The following NBEAL1 variants were observed in gnomAD, a reference collection of about 807,000 sequenced individuals.
The protein encoded by NBEAL1 is neurobeachin-like protein 1.
Under a neutral mutation model 351.3 loss-of-function variants are expected in NBEAL1, and 273 were observed. The observed-to-expected ratio is 0.78, with a 90% confidence interval of 0.70 to 0.86. The LOEUF (loss-of-function observed/expected upper bound fraction) is 0.86, where lower values mean the gene tolerates loss of function less well. Ranked by LOEUF, NBEAL1 falls within the 40% of genes least tolerant of loss-of-function variation. NBEAL1 has a pLI of 0.00. For missense variants in NBEAL1, 2,961 were observed against 3,201.3 expected (o/e 0.92, Z 1.81); for synonymous variants, 1,050 against 1,086.4 (o/e 0.97, Z 0.66).
At chr2:203,119,366 A>G (rs1422310722) in intron 18 of NBEAL1, among the ~76,000 whole-genome samples, 1 of 146,458 alleles carries the variant, frequency 6.8e-6, no homozygotes, top group Non-Finnish European at 1.5e-5. Context: ...TGATCCACCC[A>G]CTTAGGCCTT....
At chr2:203,108,396 GT>G (rs35488570) in intron 14 of NBEAL1, among the ~76,000 whole-genome samples, 130,450 of 145,746 alleles carry the variant, frequency 0.9, 58,847 homozygotes, top group Non-Finnish European at 0.96. Flanking sequence ...TGCTGGTTAA[GT>G]TTTTTTTTTT....
chr2:203,098,427 A>G lies in NBEAL1; in HGVS notation c.1185+794A>G, dbSNP rs144332602. 3.5e-4 allele frequency among the ~76,000 whole-genome samples: 54 copies of G among 152,256 alleles called. No homozygotes were observed. The East Asian group carries it at 6.4e-3, about 18-fold the overall frequency. ...GAATATTGTTTTAGATTTCTGTATA[A>G]ATGTTAATCCCTCTTAAGGCCTACT... On this transcript the variant is annotated intron_variant, in intron 11 of 55. Transcript: ENST00000683969.
At chr2:203,196,437 A>G (rs2065243462) in intron 47 of NBEAL1, among the ~76,000 whole-genome samples, 1 of 152,232 alleles carries the variant, frequency 6.6e-6, no homozygotes, top group Non-Finnish European at 1.5e-5. Context: ...TCATCTCTTC[A>G]TAGGTGTTCA....
chr2:203,029,129 G>A (rs184027571), intron 2 of NBEAL1, among the ~76,000 whole-genome samples: 2 of 152,158 alleles, frequency 1.3e-5, no homozygotes. Flanking sequence ...GTGATTATAG[G>A]GTGGCTAATT....
At chr2:203,032,204 T>G (rs1234174354) in intron 2 of NBEAL1, among the ~76,000 whole-genome samples, 1 of 152,200 alleles carries the variant, frequency 6.6e-6, no homozygotes, top group Non-Finnish European at 1.5e-5. Flanking sequence ...ATGTTCATTA[T>G]GAGATCATGA....
At chr2:203,067,500 T>C (rs2061613203) in intron 6 of NBEAL1, among the ~76,000 whole-genome samples, 1 of 152,230 alleles carries the variant, frequency 6.6e-6, no homozygotes, top group South Asian at 2.1e-4. Flanking sequence ...CATTTCTTCT[T>C]AGGTTTGAAA....
intron 24 of NBEAL1, among the ~76,000 whole-genome samples, chr2:203,129,365 T>C (rs2063020694): frequency 2.6e-5 from 4 of 152,184 alleles, no homozygotes; most frequent in Admixed American, 2.6e-4. Context: ...TAGGCTATTT[T>C]GCCCTCTATA....
chr2:203,021,220 G>A (rs903185187), intron 2 of NBEAL1, among the ~76,000 whole-genome samples: 4 of 151,886 alleles, frequency 2.6e-5, no homozygotes, highest in Admixed American at 6.6e-5. Flanking sequence ...GACCTCAGGC[G>A]ATCCACCCTC....
chr2:203,097,641 C>T lies in NBEAL1; in HGVS notation c.1185+8C>T, dbSNP rs114178799. 239 of 981,542 alleles carry T rather than the reference C, an allele frequency of 2.4e-4. No homozygotes were observed. The highest frequency in any genetic ancestry group is 2.1e-4 in the Non-Finnish European group (171 of 825,952). The allele number at this position is 981,542 out of a possible 1,614,324, so 60.8% of individuals were successfully genotyped here. A position where few individuals can be genotyped will look rare whatever the true frequency, so the allele number is the denominator to read the frequency against. ...GAAATGAATGAGGACCAGGTATCTACAAAGCCTGCATCTTGTTTCAGCTGA... is the reference window on the plus strand; with the variant it reads ...GAAATGAATGAGGACCAGGTATCTATAAAGCCTGCATCTTGTTTCAGCTGA... On this transcript the variant is annotated splice_region_variant and intron_variant, in intron 11 of 55. Transcript: ENST00000683969.
At position 203,049,919 on chromosome 2, in the gene NBEAL1, G is replaced by A. The variant is rs1033794192; in HGVS notation, c.249G>A (p.Glu83=). Residue 83 remains glutamate, a synonymous_variant, in exon 4 of 56, where the codon GAG becomes GAA. Coordinates refer to ENST00000683969, the MANE Select transcript of NBEAL1 (RefSeq NM_001378026.1). ...QCVQKMADGL[E]EQQQALSILL... is the part of the protein sequence containing the mutation. ...TTCAGAAAATGGCAGATGGGTTAGA[G>A]GAACAACAGCAAGCCTTGTCAATTT... 2 of 1,556,354 alleles carry A rather than the reference G, an allele frequency of 1.3e-6. No individual in the cohort carries two copies. Among genetic ancestry groups the A allele is most frequent in the Non-Finnish European group, 1.7e-6 (2 of 1,148,316 alleles).
intron 31 of NBEAL1, among the ~76,000 whole-genome samples, chr2:203,142,117 A>G (rs1271810842): frequency 6.6e-6 from 1 of 152,158 alleles, no homozygotes; most frequent in Non-Finnish European, 1.5e-5. Flanking sequence ...GGCATCACCC[A>G]TAGTAATTAA....
chr2:203,180,604 ATTAT>A (rs2064683261), intron 43 of NBEAL1, 92 bp downstream of exon 43: 2 of 1,114,216 alleles, frequency 1.8e-6, no homozygotes, highest in South Asian at 1.6e-5. Flanking sequence ...TATCCTGTAG[ATTAT>A]TTAAGATTCA....
intron 8 of NBEAL1, among the ~76,000 whole-genome samples, chr2:203,081,859 T>C (rs2061880046): frequency 6.6e-6 from 1 of 152,202 alleles, no homozygotes; most frequent in Admixed American, 6.5e-5. Flanking sequence ...CCCAGAACTT[T>C]GGGAGACTGA....
intron 46 of NBEAL1, chr2:203,190,641 A>C: frequency 2.3e-6 from 1 of 425,608 alleles, no homozygotes; most frequent in South Asian, 7.1e-5. Flanking sequence ...ACATCTGCCC[A>C]AAAAGGCACT....
At chr2:203,092,049 T>C in intron 10 of NBEAL1, among the ~76,000 whole-genome samples, 1 of 152,232 alleles carries the variant, frequency 6.6e-6, no homozygotes, top group East Asian at 1.9e-4. Flanking sequence ...AATAGAATTT[T>C]ACTTCTAGTA....
chr2:203,138,094 T>C (rs919350360), intron 29 of NBEAL1, 68 bp from the exon 30 acceptor site: 3 of 1,488,122 alleles, frequency 2.0e-6, no homozygotes, highest in Middle Eastern at 1.9e-4. Context: ...CTATTTTGTT[T>C]TGTTTTTAAT....
At chr2:203,019,816 T>C (rs1464549912) in intron 2 of NBEAL1, among the ~76,000 whole-genome samples, 2 of 152,156 alleles carry the variant, frequency 1.3e-5, no homozygotes, top group Non-Finnish European at 2.9e-5. Flanking sequence ...AGAACGCTAA[T>C]GGAATATATA....
chr2:203,146,503 A>G (rs1442274107), intron 33 of NBEAL1, among the ~76,000 whole-genome samples: 1 of 152,148 alleles, frequency 6.6e-6, no homozygotes, highest in African/African-American at 2.4e-5. Context: ...TTTTAAAATA[A>G]TACATTAGAT....
intron 47 of NBEAL1, among the ~76,000 whole-genome samples, chr2:203,195,223 AAATGAAC>A (rs1177836607): frequency 1.4e-5 from 2 of 146,392 alleles, no homozygotes; most frequent in Non-Finnish European, 3.1e-5. Flanking sequence ...CATTTTACTC[AAATGAAC>A]AATATTGTAG....
Sources: allele counts gnomAD v4.1 joint callset (sites outside exome capture counted in the v4.1 genomes callset), GRCh38; gene constraint gnomAD v4.1.1; transcripts MANE v1.5; gene names NCBI Gene and HGNC (gene_info 2026-07-23, HGNC 2026-07-21).